Variants in DAAM1 observed in about 807,000 individuals in gnomAD.
The protein encoded by DAAM1 is dishevelled associated activator of morphogenesis 1.
In DAAM1, 52 loss-of-function variants were observed where a neutral mutation model predicts 130.0. That is an observed-to-expected ratio of 0.40 (90% CI 0.32 to 0.50). The LOEUF is 0.50. Ranked by LOEUF, DAAM1 falls within the 20% of genes least tolerant of loss-of-function variation. The pLI, the probability that DAAM1 is intolerant of heterozygous loss-of-function variation, is 0.61. For synonymous variants in DAAM1, 452 were observed against 444.5 expected (o/e 1.02, Z -0.21); for missense variants, 1,134 against 1,303.8 (o/e 0.87, Z 2.01).
chr14:59,294,985 G>C (rs1883899625), intron 3 of DAAM1, among the ~76,000 whole-genome samples: 1 of 152,224 alleles, frequency 6.6e-6, no homozygotes, highest in African/African-American at 2.4e-5. Flanking sequence ...CTGCTCAGAA[G>C]CAAATGTACA....
intron 3 of DAAM1, among the ~76,000 whole-genome samples, chr14:59,296,945 A>G (rs1883977164): frequency 6.6e-6 from 1 of 152,026 alleles, no homozygotes; most frequent in African/African-American, 2.4e-5. Context: ...GACTAAAATA[A>G]TTGAGGCTTG....
At chr14:59,304,423 T>G (rs992162114) in intron 3 of DAAM1, among the ~76,000 whole-genome samples, 3 of 152,338 alleles carry the variant, frequency 2.0e-5, no homozygotes, top group Admixed American at 6.5e-5. Flanking sequence ...ATTCTCAAAA[T>G]TCCTTACACT....
rs748734798 is a variant in DAAM1, at chr14:59,322,925, A to G, written c.474A>G (p.Leu158=). The G allele has an allele frequency of 5.0e-6, 8 of 1,613,638 alleles. No individual in the cohort carries two copies. The highest frequency in any genetic ancestry group is 6.8e-6 in the Non-Finnish European group (8 of 1,179,738). The change falls in exon 6 of 25, where the codon CTA becomes CTG. Residue 158 remains leucine (L), a synonymous_variant. Transcript: ENST00000360909. ...CCAGATTCATCGACTTGGATGGCCT[A>G]TCATGTATCCTCAACTTTCTAAAGA... is the stretch of plus-strand genomic sequence containing the variant. ...FVTRFIDLDG[L]SCILNFLKTM...
chr14:59,259,482 A>G (rs1882068181), intron 1 of DAAM1, among the ~76,000 whole-genome samples: 2 of 152,102 alleles, frequency 1.3e-5, no homozygotes, highest in Non-Finnish European at 1.5e-5. Context: ...GGTAGCCTGA[A>G]CACTGCCTTC....
At chr14:59,277,588 G>C (rs974371528) in intron 2 of DAAM1, among the ~76,000 whole-genome samples, 5 of 151,820 alleles carry the variant, frequency 3.3e-5, no homozygotes, top group South Asian at 4.2e-4. Context: ...GTTGGTTTTA[G>C]TTTTTGAGAA....
At chr14:59,249,991 C>T (rs1881562223) in intron 1 of DAAM1, among the ~76,000 whole-genome samples, 1 of 152,118 alleles carries the variant, frequency 6.6e-6, no homozygotes, top group Non-Finnish European at 1.5e-5. Flanking sequence ...TAGTAAGTTT[C>T]ATTCATTTAT....
chr14:59,368,195 A>T (rs535993942), intron 24 of DAAM1, among the ~76,000 whole-genome samples: 2 of 152,282 alleles, frequency 1.3e-5, no homozygotes, highest in African/African-American at 4.8e-5. Context: ...TGTATGTATT[A>T]GTTGGCTTTT....
intron 23 of DAAM1, among the ~76,000 whole-genome samples, chr14:59,365,491 A>AC (rs397695179): frequency 7.3e-5 from 11 of 151,566 alleles, no homozygotes; most frequent in African/African-American, 2.4e-4. Flanking sequence ...AAATAAGTAA[A>AC]CATTGAAAAC....
intron 1 of DAAM1, among the ~76,000 whole-genome samples, chr14:59,196,011 C>G (rs760235280): frequency 6.6e-6 from 1 of 152,056 alleles, no homozygotes; most frequent in African/African-American, 2.4e-5. Flanking sequence ...GTAGGAAAAC[C>G]CTGTAAGTGA....
chr14:59,277,023 CTT>C (rs1883000349), intron 2 of DAAM1, among the ~76,000 whole-genome samples: 1 of 152,134 alleles, frequency 6.6e-6, no homozygotes, highest in Admixed American at 6.5e-5. Flanking sequence ...AGTGACTTCT[CTT>C]ATTAGCCAAA....
chr14:59,345,667 G>A (rs566198600), intron 16 of DAAM1, among the ~76,000 whole-genome samples: 11 of 152,276 alleles, frequency 7.2e-5, no homozygotes, highest in African/African-American at 2.6e-4. Context: ...CTGCCTTTGA[G>A]TGCGCGCTTT....
At chr14:59,282,430 T>A (rs566058833) in intron 2 of DAAM1, among the ~76,000 whole-genome samples, 23 of 152,250 alleles carry the variant, frequency 1.5e-4, no homozygotes, top group African/African-American at 5.5e-4. Context: ...GAAATTGAAG[T>A]TCAGAGGCTG....
chr14:59,302,862 C>T (rs8016880), intron 3 of DAAM1, among the ~76,000 whole-genome samples: 14,048 of 152,092 alleles, frequency 0.092, 937 homozygotes, highest in African/African-American at 0.19. Context: ...CCATGTTGGT[C>T]AGGCTGGTCT....
chr14:59,321,020 C>T (rs559520638), intron 5 of DAAM1, among the ~76,000 whole-genome samples: 47 of 152,026 alleles, frequency 3.1e-4, no homozygotes, highest in Non-Finnish European at 5.7e-4. Flanking sequence ...ATGTTCATAT[C>T]GGCATTATTC....
intron 21 of DAAM1, among the ~76,000 whole-genome samples, chr14:59,359,797 C>T (rs1886634912): frequency 6.6e-6 from 1 of 152,204 alleles, no homozygotes; most frequent in East Asian, 1.9e-4. Context: ...CATGGCTAAG[C>T]AAATAGAAGA....
At chr14:59,315,643 C>G (rs538271494) in intron 4 of DAAM1, among the ~76,000 whole-genome samples, 3 of 152,324 alleles carry the variant, frequency 2.0e-5, no homozygotes, top group East Asian at 3.9e-4. Flanking sequence ...CTTTAACTTG[C>G]AATTGCTCTT....
Position 59,234,070 on chromosome 14 carries a change from C to T in DAAM1, c.-37-29371C>T, listed in dbSNP as rs532068687. The stretch of plus-strand genomic sequence containing the variant: ...AGTTTGAGGTCAGGTAGCATGATGC[C>T]TCCAGCTTTGTTCTTCTTGCTTAGG... On this transcript the variant is annotated intron_variant, in intron 1 of 24. Coordinates refer to ENST00000360909, the MANE Select transcript of DAAM1 (RefSeq NM_001270520.2). 2.0e-5 allele frequency among the ~76,000 whole-genome samples: 3 copies of T among 152,226 alleles called. No individual in the cohort carries two copies. The East Asian group carries it at 5.8e-4, about 29-fold the overall frequency.
chr14:59,365,930 G>C (rs1886898681), intron 23 of DAAM1, among the ~76,000 whole-genome samples: 1 of 152,076 alleles, frequency 6.6e-6, no homozygotes, highest in African/African-American at 2.4e-5. Context: ...AATATTATTT[G>C]GGTAGTTATA....
chr14:59,278,284 C>T (rs1011741471), intron 2 of DAAM1, among the ~76,000 whole-genome samples: 5 of 151,992 alleles, frequency 3.3e-5, no homozygotes, highest in African/African-American at 1.2e-4. Context: ...TCATCTGCTG[C>T]GGGTGAACCT....
Sources: allele counts gnomAD v4.1 joint callset (sites outside exome capture counted in the v4.1 genomes callset), GRCh38; gene constraint gnomAD v4.1.1; transcripts MANE v1.5; gene names NCBI Gene and HGNC (gene_info 2026-07-23, HGNC 2026-07-21).